NYAP2: variants seen among roughly 807,000 people sequenced by gnomAD.
NYAP2 encodes neuronal tyrosine-phosphorylated phosphoinositide-3-kinase adapter 2.
A neutral mutation model predicts 50.4 loss-of-function variants in NYAP2; 23 were observed. That is an observed-to-expected ratio of 0.46 (90% CI 0.33 to 0.65). The LOEUF (loss-of-function observed/expected upper bound fraction) is 0.65. Among genes scored for constraint, NYAP2 ranks in the 30% least tolerant of loss-of-function variants. The pLI is 0.02. For synonymous variants in NYAP2, 394 were observed against 365.2 expected (o/e 1.08, Z -0.90); for missense variants, 885 against 861.0 (o/e 1.03, Z -0.35).
At chr2:225,505,277 G>T (rs1690685195) in intron 3 of NYAP2, among the ~76,000 whole-genome samples, 2 of 152,142 alleles carry the variant, frequency 1.3e-5, no homozygotes, top group African/African-American at 4.8e-5. Context: ...AATATTAGGT[G>T]CATAAAGTAG....
chr2:225,432,064 G>C (rs918087862), intron 3 of NYAP2, among the ~76,000 whole-genome samples: 3 of 151,840 alleles, frequency 2.0e-5, no homozygotes, highest in African/African-American at 7.3e-5. Flanking sequence ...CCGTCTCCCA[G>C]GTTCATGCCA....
chr2:225,403,377 T>G (rs1175585929), intron 2 of NYAP2, among the ~76,000 whole-genome samples: 1 of 151,966 alleles, frequency 6.6e-6, no homozygotes, highest in East Asian at 1.9e-4. Context: ...AGTAAAATAT[T>G]TAGGTTTCCA....
chr2:225,425,120 C>T (rs1574607836), intron 3 of NYAP2, among the ~76,000 whole-genome samples: 1 of 152,052 alleles, frequency 6.6e-6, no homozygotes, highest in African/African-American at 2.4e-5. Context: ...TTTAAGGTCC[C>T]TAGCACACTC....
intron 4 of NYAP2, among the ~76,000 whole-genome samples, chr2:225,560,239 A>G (rs1317789899): frequency 1.3e-5 from 2 of 152,154 alleles, no homozygotes; most frequent in Non-Finnish European, 2.9e-5. Context: ...GCCAATAGGC[A>G]TATTATCACA....
intron 6 of NYAP2, among the ~76,000 whole-genome samples, chr2:225,649,871 A>T (rs1360871789): frequency 6.6e-6 from 1 of 152,260 alleles, no homozygotes; most frequent in African/African-American, 2.4e-5. Context: ...CAATTGTTTA[A>T]GATCATACAC....
At chr2:225,526,393 T>C (rs1203368119) in intron 4 of NYAP2, among the ~76,000 whole-genome samples, 2 of 152,140 alleles carry the variant, frequency 1.3e-5, no homozygotes, top group African/African-American at 4.8e-5. Flanking sequence ...TATTCTCAGG[T>C]AGGGGAGGGT....
intron 3 of NYAP2, among the ~76,000 whole-genome samples, chr2:225,493,526 A>C (rs1296789898): frequency 2.0e-5 from 3 of 152,148 alleles, no homozygotes; most frequent in African/African-American, 7.2e-5. Flanking sequence ...CAATTGGTAG[A>C]GTTATTTTTC....
chr2:225,495,978 T>C (rs1278941576), intron 3 of NYAP2, among the ~76,000 whole-genome samples: 2 of 152,324 alleles, frequency 1.3e-5, no homozygotes, highest in East Asian at 3.9e-4. Context: ...ACACCTGTGC[T>C]CATCACATTA....
chr2:225,439,836 G>A (rs1008860841), intron 3 of NYAP2, among the ~76,000 whole-genome samples: 2 of 152,096 alleles, frequency 1.3e-5, no homozygotes, highest in Non-Finnish European at 2.9e-5. Flanking sequence ...TTAATAGAGT[G>A]GAAACAGAAC....
intron 3 of NYAP2, among the ~76,000 whole-genome samples, chr2:225,419,058 T>C (rs925246785): frequency 3.9e-5 from 6 of 152,198 alleles, no homozygotes; most frequent in African/African-American, 1.4e-4. Flanking sequence ...CCAGAACAAA[T>C]GAACAATTGC....
intron 3 of NYAP2, among the ~76,000 whole-genome samples, chr2:225,492,338 A>G (rs1404105757): frequency 6.6e-6 from 1 of 152,192 alleles, no homozygotes; most frequent in Non-Finnish European, 1.5e-5. Context: ...GTTCTGTCCT[A>G]TAACTGCATA....
intron 6 of NYAP2, 102 bp downstream of exon 6, chr2:225,627,228 T>G (rs1693226311): frequency 2.2e-6 from 2 of 893,544 alleles, no homozygotes; most frequent in Non-Finnish European, 1.8e-6. Flanking sequence ...TATCTCTGTC[T>G]GCACACAGAG....
chr2:225,422,020 T>C (rs1355037046), intron 3 of NYAP2, among the ~76,000 whole-genome samples: 1 of 152,242 alleles, frequency 6.6e-6, no homozygotes, highest in Non-Finnish European at 1.5e-5. Flanking sequence ...TTTAGGATTT[T>C]AATTCTTTTT....
the NYAP2 span, among the ~76,000 whole-genome samples, chr2:225,685,683 C>G: frequency 6.6e-6 from 1 of 152,050 alleles, no homozygotes; most frequent in Admixed American, 6.6e-5. Flanking sequence ...ACTTTATAAT[C>G]ATAAAATAGT....
intron 3 of NYAP2, among the ~76,000 whole-genome samples, chr2:225,477,718 C>T (rs2106163213): frequency 6.6e-6 from 1 of 152,306 alleles, no homozygotes; most frequent in South Asian, 2.1e-4. Flanking sequence ...CACATACATA[C>T]ACACATGTAC....
chr2:225,541,514 T>C (rs939531793), intron 4 of NYAP2, among the ~76,000 whole-genome samples: 4 of 152,154 alleles, frequency 2.6e-5, no homozygotes, highest in Admixed American at 1.3e-4. Context: ...CATATGGATA[T>C]CCCATTTTCC....
rs568042275 is a variant in NYAP2, at chr2:225,536,973, T to A, written c.523+23301T>A. ...TATATTTTTTTTAGTAGAGACGAGG[T>A]TTCACCATGTTAGCCAGGATGGTCT... On this transcript the variant is annotated intron_variant, in intron 4 of 6. Transcript: ENST00000636099. 1.1e-4 allele frequency among the ~76,000 whole-genome samples: 17 copies of A among 151,940 alleles called. No individual in the cohort carries two copies. In the East Asian group the frequency reaches 3.3e-3, roughly 29 times the overall value.
chr2:225,622,709 A>T (rs1693142996), intron 5 of NYAP2, among the ~76,000 whole-genome samples: 1 of 151,098 alleles, frequency 6.6e-6, no homozygotes. Context: ...CCTCCCAAGT[A>T]GCTGGGATTA....
chr2:225,628,380 G>A (rs545284410), intron 6 of NYAP2, among the ~76,000 whole-genome samples: 10 of 139,896 alleles, frequency 7.1e-5, no homozygotes, highest in African/African-American at 2.7e-4. Context: ...GGAGTGCAAT[G>A]GTGCGATCTT....
Sources: allele counts gnomAD v4.1 joint callset (sites outside exome capture counted in the v4.1 genomes callset), GRCh38; gene constraint gnomAD v4.1.1; transcripts MANE v1.5; gene names NCBI Gene and HGNC (gene_info 2026-07-23, HGNC 2026-07-21).